The following CHD5 variants were observed in gnomAD, a reference collection of about 807,000 sequenced individuals.
The protein encoded by CHD5 is ATP-dependent chromatin remodeler CHD5.
A neutral mutation model predicts 230.3 loss-of-function variants in CHD5; 69 were observed. The ratio of observed to expected loss-of-function variants is 0.30; its 90% confidence interval spans 0.25 to 0.37. The LOEUF (loss-of-function observed/expected upper bound fraction) is 0.37, where lower values mean the gene tolerates loss of function less well. CHD5 is among the 10% of genes least tolerant of loss of function. The probability of loss-of-function intolerance (pLI) is 1.00; values close to 1 mark genes in which losing one functional copy is unlikely to be tolerated. For missense variants in CHD5, 1,827 were observed against 2,622.8 expected (o/e 0.70, Z 6.63); for synonymous variants, 1,064 against 1,065.9 (o/e 1.00, Z 0.03).
At position 6,112,197 on chromosome 1, in the gene CHD5, CCTT is replaced by C. The variant is rs776853088; in HGVS notation, c.5080_5082del (p.Lys1694del). The C allele has an allele frequency of 1.4e-5, 22 of 1,614,026 alleles. No individual in the cohort carries two copies. The highest frequency in any genetic ancestry group is 1.2e-4 in the African/African-American group (9 of 74,914). On this transcript the variant is annotated inframe_deletion, in exon 35 of 42. Coordinates refer to ENST00000262450, the MANE Select transcript of CHD5 (RefSeq NM_015557.3). ...AACTTGAATTTCCCCTTCTTGTCCT[CCTT>C]CTTCCCCTCGTCATCTTCCTCTTTG...
At chr1:6,117,514 C>G (rs1666396164) in intron 33 of CHD5, among the ~76,000 whole-genome samples, 1 of 151,998 alleles carries the variant, frequency 6.6e-6, no homozygotes, top group South Asian at 2.1e-4. Context: ...GACTTCAAAG[C>G]CCTCCTGGAC....
In CHD5 at chr1:6,105,295, G is replaced by T; in HGVS notation, c.*179C>A. On this transcript the variant is annotated 3_prime_UTR_variant, in exon 42 of 42. Coordinates refer to ENST00000262450, the MANE Select transcript of CHD5 (RefSeq NM_015557.3). The surrounding 1 kb of genome is among the most constrained non-coding windows in gnomAD (Gnocchi z 4.8). ...GGTGGCACTTCTGGGCTCTGGCCCA[G>T]CTGAGCTGGGCCTCGTCCTCCATGT... 2.4e-6 allele frequency: 1 copy of T among 411,584 alleles called. No homozygotes were observed. The highest frequency in any genetic ancestry group is 1.8e-5 in the South Asian group (1 of 55,406). The allele number at this position is 411,584 out of a possible 1,614,324, so 25.5% of individuals were successfully genotyped here. A position where few individuals can be genotyped will look rare whatever the true frequency, so the allele number is the denominator to read the frequency against.
intron 15 of CHD5, among the ~76,000 whole-genome samples, chr1:6,139,218 CTGTTGTTGTTTTGT>C (rs1019832255): frequency 1.7e-5 from 2 of 117,534 alleles, no homozygotes; most frequent in Admixed American, 1.5e-4. Flanking sequence ...CTAAACTGTT[CTGTTGTTGTTTTGT>C]TGTTGTTGTT....
intron 2 of CHD5, among the ~76,000 whole-genome samples, chr1:6,160,089 AGAAGAAGAACCCCAGCCAGG>A (rs1430441644): frequency 2.2e-5 from 3 of 137,188 alleles, no homozygotes; most frequent in Non-Finnish European, 3.0e-5. Context: ...CCCCAGCCAG[AGAAGAAGAACCCCAGCCAGG>A]GAAGGGCCCC....
Position 6,176,433 on chromosome 1 carries a change from G to A in CHD5, c.79+3512C>T, listed in dbSNP as rs76337681. ...GGAAAAGCTGGGCCAATGAGGCAGG[G>A]AATTTGCCAGCCCAGCAGTGGCCCT... On this transcript the variant is annotated intron_variant, in intron 1 of 41. Coordinates refer to ENST00000262450, the MANE Select transcript of CHD5 (RefSeq NM_015557.3). Among the ~76,000 whole-genome samples the A allele has an allele frequency of 9.4e-3, 1,425 of 152,302 alleles. 22 individuals are homozygous for A. The highest frequency in any genetic ancestry group is 0.033 in the African/African-American group (1,362 of 41,562).
intron 33 of CHD5, 58 bp from the exon 34 acceptor site, chr1:6,113,056 C>A: frequency 8.3e-7 from 1 of 1,208,322 alleles, no homozygotes; most frequent in Admixed American, 1.7e-5. Context: ...ACAGAGGACT[C>A]TGGGCTCGTG....
chr1:6,124,486 G>A (rs1466070004), intron 30 of CHD5, 31 bp downstream of exon 30: 2 of 1,613,532 alleles, frequency 1.2e-6, no homozygotes, highest in Non-Finnish European at 1.7e-6. Flanking sequence ...GCAGCCACCA[G>A]GAAGGGCCCT....
Position 6,125,966 on chromosome 1 carries a change from A to C in CHD5, c.4079-108T>G. 1 of 765,974 alleles carries C rather than the reference A, an allele frequency of 1.3e-6. No individual in the cohort carries two copies. The highest frequency in any genetic ancestry group is 2.2e-6 in the Non-Finnish European group (1 of 448,474). The allele number at this position is 765,974 out of a possible 1,614,324, so 47.4% of individuals were successfully genotyped here. The stretch of plus-strand genomic sequence containing the variant: ...CCGAGCCCCTGCACCCCAGCTCCAT[A>C]AAAAAGCAGTGACAATGGCCCACAT... On this transcript the variant is annotated intron_variant, in intron 26 of 41. Coordinates refer to ENST00000262450, the MANE Select transcript of CHD5 (RefSeq NM_015557.3). The surrounding 1 kb of genome is among the most constrained non-coding windows in gnomAD (Gnocchi z 6.7).
intron 36 of CHD5, among the ~76,000 whole-genome samples, 160 bp downstream of exon 36, chr1:6,111,615 G>T (rs1183454246): frequency 2.6e-5 from 4 of 152,028 alleles, no homozygotes; most frequent in Non-Finnish European, 4.4e-5. Context: ...GCGGCGGGGA[G>T]CGGGCGACAC....
At chr1:6,164,283 A>G (rs1454007385) in intron 2 of CHD5, among the ~76,000 whole-genome samples, 4 of 152,332 alleles carry the variant, frequency 2.6e-5, no homozygotes, top group African/African-American at 9.6e-5. Context: ...GGGTCCTTCA[A>G]GATTGAGAGG....
rs1666704978 is a variant in CHD5, at chr1:6,134,340, G to A, written c.3013-81C>T. ...TGCACCAAAGGGGCCGCAGGGAACAGACAAGTGCTGAGCAATGGGGTGATG... is the reference window on the plus strand; with the variant it reads ...TGCACCAAAGGGGCCGCAGGGAACAAACAAGTGCTGAGCAATGGGGTGATG... On this transcript the variant is annotated intron_variant, in intron 19 of 41. Coordinates refer to ENST00000262450, the MANE Select transcript of CHD5 (RefSeq NM_015557.3). The surrounding 1 kb of genome is among the most constrained non-coding windows in gnomAD (Gnocchi z 6.3). The A allele has an allele frequency of 6.6e-7, 1 of 1,517,878 alleles. No homozygotes were observed. Among genetic ancestry groups the A allele is most frequent in the Non-Finnish European group, 9.0e-7 (1 of 1,113,682 alleles). The allele number at this position is 1,517,878 out of a possible 1,614,324, so 94.0% of individuals were successfully genotyped here.
At chr1:6,165,004 C>CAG (rs1184468889) in intron 2 of CHD5, among the ~76,000 whole-genome samples, 1 of 152,090 alleles carries the variant, frequency 6.6e-6, no homozygotes, top group Non-Finnish European at 1.5e-5. Flanking sequence ...GTCTGAGACC[C>CAG]AGAGAGAGAC....
At position 6,169,232 on chromosome 1, in the gene CHD5, C is replaced by T. The variant is rs563419477; in HGVS notation, c.80-955G>A. Among the ~76,000 whole-genome samples the T allele has an allele frequency of 3.3e-5, 5 of 152,298 alleles. No individual in the cohort carries two copies. In the South Asian group the frequency reaches 8.3e-4, roughly 25 times the overall value. On this transcript the variant is annotated intron_variant, in intron 1 of 41. Transcript: ENST00000262450. ...CTGTGCACACACAGGCACACAGGTC[C>T]GCACTCCCCCACCTCCAACACACTC...
At chr1:6,178,611 G>A (rs1300727363) in intron 1 of CHD5, among the ~76,000 whole-genome samples, 1 of 151,964 alleles carries the variant, frequency 6.6e-6, no homozygotes, top group Non-Finnish European at 1.5e-5. Flanking sequence ...TATTGTCCAG[G>A]CAACTCCACC....
intron 15 of CHD5, among the ~76,000 whole-genome samples, chr1:6,137,870 C>A (rs1287837507): frequency 6.6e-6 from 1 of 152,232 alleles, no homozygotes; most frequent in Non-Finnish European, 1.5e-5. Context: ...TGGAGCCTCC[C>A]TGGGACAGGT....
rs762034562 is a variant in CHD5, at chr1:6,154,509, G to C, written c.745+151C>G. 1 of 598,778 alleles carries C rather than the reference G, an allele frequency of 1.7e-6. No homozygotes were observed. The allele number at this position is 598,778 out of a possible 1,614,324, so 37.1% of individuals were successfully genotyped here. A position where few individuals can be genotyped will look rare whatever the true frequency, so the allele number is the denominator to read the frequency against. ...GCTGCCTCACTGCTGAGAAAGGACC[G>C]GGCAATCCAAGGTCACACAGGCACA... On this transcript the variant is annotated intron_variant, in intron 5 of 41. Transcript: ENST00000262450. This position sits in a 1 kb window ranked among gnomAD's most constrained non-coding sequence, Gnocchi z 7.0.
In CHD5 at chr1:6,142,994, C is replaced by T. The variant is rs570396447; in HGVS notation, c.2044-389G>A. On this transcript the variant is annotated intron_variant, in intron 13 of 41. Transcript: ENST00000262450. The surrounding 1 kb of genome is among the most constrained non-coding windows in gnomAD (Gnocchi z 5.2). Reference sequence around the variant, plus strand: ...ACCATTTTTTGGATGAACAACAAAACGAACATCCATCTGGGGCATTCGCAA... The same window carrying T: ...ACCATTTTTTGGATGAACAACAAAATGAACATCCATCTGGGGCATTCGCAA... Among the ~76,000 whole-genome samples, 4 of 152,240 alleles carry T rather than the reference C, an allele frequency of 2.6e-5. No homozygotes were observed. In the East Asian group the frequency reaches 7.7e-4, roughly 29 times the overall value.
At chr1:6,169,575 A>AG (rs1667305157) in intron 1 of CHD5, among the ~76,000 whole-genome samples, 1 of 152,208 alleles carries the variant, frequency 6.6e-6, no homozygotes, top group Admixed American at 6.5e-5. Context: ...GATAGAGAAA[A>AG]GGAGTTCCCA....
intron 15 of CHD5, 148 bp downstream of exon 15, chr1:6,141,980 A>G: frequency 2.9e-6 from 2 of 687,410 alleles, no homozygotes; most frequent in Non-Finnish European, 5.1e-6. Flanking sequence ...CATGGCTGTA[A>G]CTCAGCCTCT....
Sources: allele counts gnomAD v4.1 joint callset (sites outside exome capture counted in the v4.1 genomes callset), GRCh38; gene constraint gnomAD v4.1.1; non-coding constraint Gnocchi (gnomAD v3.1); transcripts MANE v1.5; gene names NCBI Gene and HGNC (gene_info 2026-07-23, HGNC 2026-07-21).